Variants in CLVS1 observed in about 807,000 individuals in gnomAD.
CLVS1 encodes the protein clavesin 1.
Under a neutral mutation model 33.1 loss-of-function variants are expected in CLVS1, and 10 were observed. The ratio of observed to expected loss-of-function variants is 0.30; its 90% CI spans 0.19 to 0.51. The LOEUF (loss-of-function observed/expected upper bound fraction) is 0.51, where lower values mean the gene tolerates loss of function less well. Ranked by LOEUF, CLVS1 falls within the 20% of genes least tolerant of loss-of-function variation. The probability of loss-of-function intolerance (pLI) is 0.97; values close to 1 mark genes in which losing one functional copy is unlikely to be tolerated. For missense variants in CLVS1, 343 were observed against 433.4 expected, an observed-to-expected ratio of 0.79 and a Z score of 1.85; for synonymous variants, 163 against 166.1, an observed-to-expected ratio of 0.98 and a Z score of 0.14.
At chr8:61,090,566 C>T (rs533633519) in intron 1 of CLVS1, among the ~76,000 whole-genome samples, 1 of 152,134 alleles carries the variant, frequency 6.6e-6, no homozygotes, top group East Asian at 1.9e-4. Flanking sequence ...GATCCGTGAG[C>T]CAAGAGCCAC....
chr8:61,210,016 C>T (rs1057110637), intron 2 of CLVS1, among the ~76,000 whole-genome samples: 2 of 152,224 alleles, frequency 1.3e-5, no homozygotes, highest in African/African-American at 4.8e-5. Flanking sequence ...GAAAGATTAT[C>T]ATGGGTGGGC....
At chr8:61,125,341 G>C (rs1233200052) in intron 1 of CLVS1, among the ~76,000 whole-genome samples, 1 of 152,146 alleles carries the variant, frequency 6.6e-6, no homozygotes, top group East Asian at 1.9e-4. Context: ...AGGCTCTGTG[G>C]GAGAGCAGGA....
intron 3 of CLVS1, among the ~76,000 whole-genome samples, chr8:61,425,455 CAT>C (rs773600519): frequency 1.3e-5 from 2 of 152,098 alleles, no homozygotes; most frequent in Non-Finnish European, 2.9e-5. Context: ...TTTATTTAGA[CAT>C]AATTCACATG....
At chr8:61,198,855 A>G (rs1365159483) in intron 2 of CLVS1, among the ~76,000 whole-genome samples, 1 of 152,220 alleles carries the variant, frequency 6.6e-6, no homozygotes, top group Non-Finnish European at 1.5e-5. Flanking sequence ...CACTTAGGAT[A>G]ATGGCCTCCA....
At chr8:61,404,280 C>T (rs1814892021) in intron 3 of CLVS1, among the ~76,000 whole-genome samples, 1 of 152,214 alleles carries the variant, frequency 6.6e-6, no homozygotes, top group Non-Finnish European at 1.5e-5. Flanking sequence ...TATTCATTTA[C>T]TTTTCTCTCA....
chr8:61,113,197 G>A (rs1257869317), intron 1 of CLVS1, among the ~76,000 whole-genome samples: 1 of 152,170 alleles, frequency 6.6e-6, no homozygotes, highest in African/African-American at 2.4e-5. Flanking sequence ...CATCAGTGGG[G>A]ACTTTCAGAA....
chr8:60,996,003 G>A, the CLVS1 span, among the ~76,000 whole-genome samples: 2 of 152,106 alleles, frequency 1.3e-5, no homozygotes, highest in African/African-American at 2.4e-5. Context: ...CACACTCTGG[G>A]AACTGTTGTG....
intron 3 of CLVS1, among the ~76,000 whole-genome samples, chr8:61,387,938 A>G (rs545792317): frequency 6.6e-6 from 1 of 152,288 alleles, no homozygotes; most frequent in South Asian, 2.1e-4. Context: ...TATAAACATG[A>G]ATGTGTAAGT....
the CLVS1 span, among the ~76,000 whole-genome samples, chr8:60,980,452 T>C: frequency 1.3e-5 from 2 of 152,188 alleles, no homozygotes; most frequent in Non-Finnish European, 2.9e-5. Context: ...GCCCCAAAGA[T>C]ATCAGGTTCT....
intron 2 of CLVS1, among the ~76,000 whole-genome samples, chr8:61,363,084 G>A (rs190544404): frequency 1.2e-4 from 18 of 152,260 alleles, no homozygotes; most frequent in African/African-American, 4.1e-4. Context: ...GAACTTTCCA[G>A]GGGCTGAGCA....
At chr8:61,409,525 AC>A (rs1263789660) in intron 3 of CLVS1, among the ~76,000 whole-genome samples, 2 of 152,198 alleles carry the variant, frequency 1.3e-5, no homozygotes, top group Non-Finnish European at 2.9e-5. Context: ...AAATAAATGT[AC>A]CACAATTTGT....
chr8:61,271,088 T>C (rs1377084587), intron 2 of CLVS1, among the ~76,000 whole-genome samples: 1 of 141,026 alleles, frequency 7.1e-6, no homozygotes, highest in Non-Finnish European at 1.5e-5. Flanking sequence ...GCTTTTCTAG[T>C]TCTTTTAATT....
intron 2 of CLVS1, among the ~76,000 whole-genome samples, chr8:61,365,720 T>C (rs1337194757): frequency 1.3e-5 from 2 of 151,828 alleles, no homozygotes; most frequent in African/African-American, 4.8e-5. Flanking sequence ...TCCGAAGTCA[T>C]ATGTTTGTGA....
At chr8:61,471,151 A>G (rs1817721163) in intron 5 of CLVS1, among the ~76,000 whole-genome samples, 1 of 152,026 alleles carries the variant, frequency 6.6e-6, no homozygotes, top group African/African-American at 2.4e-5. Flanking sequence ...TATACTGGTT[A>G]TTTATAATAC....
At chr8:61,469,554 G>A (rs563738699) in intron 5 of CLVS1, among the ~76,000 whole-genome samples, 1 of 152,316 alleles carries the variant, frequency 6.6e-6, no homozygotes, top group East Asian at 1.9e-4. Context: ...GTTTTCAGCT[G>A]TCAATAGAAT....
intron 2 of CLVS1, among the ~76,000 whole-genome samples, chr8:61,233,590 C>T (rs1808492347): frequency 6.6e-6 from 1 of 151,938 alleles, no homozygotes; most frequent in Non-Finnish European, 1.5e-5. Flanking sequence ...TTTCAAACTG[C>T]TTCTGGCTTA....
At chr8:61,483,597 A>G (rs1803752709) in intron 5 of CLVS1, among the ~76,000 whole-genome samples, 1 of 152,372 alleles carries the variant, frequency 6.6e-6, no homozygotes, top group East Asian at 1.9e-4. Context: ...AACACATTTT[A>G]TGAAGCCAAC....
the CLVS1 span, among the ~76,000 whole-genome samples, chr8:61,037,545 C>T: frequency 3.3e-5 from 5 of 152,186 alleles, no homozygotes; most frequent in African/African-American, 9.7e-5. Flanking sequence ...GATGGACATG[C>T]GTGTTGTTTC....
At chr8:61,056,050 T>C (rs1333322145), upstream of CLVS1, among the ~76,000 whole-genome samples, 1 of 152,224 alleles carries the variant, frequency 6.6e-6, no homozygotes, top group Non-Finnish European at 1.5e-5. Flanking sequence ...TGCAGACTTA[T>C]CAGCTCTGCT....
Sources: gnomAD v4.1 joint callset for allele counts (sites outside exome capture counted in the v4.1 genomes callset) on GRCh38, gnomAD v4.1.1 for gene constraint, MANE v1.5 for transcripts, NCBI Gene and HGNC (gene_info 2026-07-23, HGNC 2026-07-21) for gene names.